The following GFPT1 variants were observed in gnomAD, a reference collection of about 807,000 sequenced individuals.
The protein encoded by GFPT1 is glutamine--fructose-6-phosphate aminotransferase [isomerizing] 1.
Under a neutral mutation model 92.0 loss-of-function variants are expected in GFPT1, and 40 were observed. That is an observed-to-expected ratio of 0.43 (90% CI 0.34 to 0.57). The LOEUF is 0.57. Among genes scored for constraint, GFPT1 ranks in the 20% least tolerant of loss-of-function variants. The pLI, the probability that GFPT1 is intolerant of heterozygous loss-of-function variation, is 0.02. For synonymous variants in GFPT1, 269 were observed against 280.6 expected, an observed-to-expected ratio of 0.96 and a Z score of 0.41; for missense variants, 448 against 869.1, an observed-to-expected ratio of 0.52 and a Z score of 6.09.
intron 6 of GFPT1, among the ~76,000 whole-genome samples, chr2:69,356,989 C>T (rs1671354202): frequency 6.6e-6 from 1 of 152,176 alleles, no homozygotes; most frequent in Non-Finnish European, 1.5e-5. Flanking sequence ...CCTCGGCCTC[C>T]CAAAGTGCTG....
chr2:69,368,492 C>A (rs1331465951), intron 3 of GFPT1, among the ~76,000 whole-genome samples: 1 of 151,900 alleles, frequency 6.6e-6, no homozygotes, highest in African/African-American at 2.4e-5. Flanking sequence ...CTTTGAGAGG[C>A]CGAGGCAGGC....
chr2:69,328,317 G>A lies in GFPT1; in HGVS notation c.1847C>T (p.Thr616Ile). 6.2e-7 allele frequency: 1 copy of A among 1,613,748 alleles called. No individual in the cohort carries two copies. Among genetic ancestry groups the A allele is most frequent in the Non-Finnish European group, 8.5e-7 (1 of 1,179,678 alleles). Residue 616 changes from threonine (T) to isoleucine (I), a missense_variant, in exon 18 of 20, where the codon ACT becomes ATT. By Grantham distance (89) the Thr-to-Ile change is moderately conservative. Around this residue, in one of 7 missense-constraint regions of GFPT1, gnomAD observed 5 missense variants for 46.8 expected, o/e 0.11. Transcript: ENST00000357308. Reference sequence around the variant, plus strand: ...AAGAGCATTCTGACACTTGGCATAAGTGTGATCTCTCATGATGATCATGAT... The same window carrying A: ...AAGAGCATTCTGACACTTGGCATAAATGTGATCTCTCATGATGATCATGAT... Reference protein sequence around the residue: ...PVIMIIMRDHTYAKCQNALQQ... With the variant: ...PVIMIIMRDHIYAKCQNALQQ...
At chr2:69,354,379 T>C in intron 8 of GFPT1, 67 bp from the exon 9 acceptor site, 10 of 1,401,882 alleles carry the variant, frequency 7.1e-6, no homozygotes, top group Non-Finnish European at 1.0e-5. Flanking sequence ...CTTTTTCATG[T>C]CTAGACAGAA....
At chr2:69,340,514 G>T (rs1418475725) in intron 13 of GFPT1, among the ~76,000 whole-genome samples, 1 of 152,082 alleles carries the variant, frequency 6.6e-6, no homozygotes, top group Non-Finnish European at 1.5e-5. Flanking sequence ...AAGCATGTGG[G>T]AGTTATTTAT....
chr2:69,369,596 A>G (rs1187313889), intron 3 of GFPT1, among the ~76,000 whole-genome samples: 3 of 152,230 alleles, frequency 2.0e-5, no homozygotes, highest in African/African-American at 7.2e-5. Context: ...CAATGTCAAA[A>G]TTGACTACAT....
At chr2:69,377,290 C>A (rs1444661715) in intron 1 of GFPT1, among the ~76,000 whole-genome samples, 1 of 150,000 alleles carries the variant, frequency 6.7e-6, no homozygotes, top group Non-Finnish European at 1.5e-5. Context: ...CAGCATTCAA[C>A]TTTAATAATA....
chr2:69,346,040 CAAAT>C (rs1446782117), intron 11 of GFPT1, 41 bp from the exon 12 acceptor site: 4 of 1,080,450 alleles, frequency 3.7e-6, no homozygotes, highest in East Asian at 2.4e-5. Flanking sequence ...AAAAACAAAT[CAAAT>C]AAAAGAATTT....
rs1558728601 is a variant in GFPT1, at chr2:69,329,755, A to G, written c.1526T>C (p.Met509Thr). ...QFVSLVMFAL[M>T]MCDDRISMQE... ...CATGGAGATCCGATCATCACACATC[A>G]TAAGGGCAAACATCACAAGGGATAC... The change falls in exon 16 of 20, where the codon ATG becomes ACG. Residue 509 changes from methionine to threonine, a missense_variant. This residue lies in a region of GFPT1 where 73 missense variants were observed against 103.5 expected (regional missense o/e 0.71). Transcript: ENST00000357308. The G allele has an allele frequency of 7.4e-6, 12 of 1,613,122 alleles. No individual in the cohort carries two copies. The highest frequency in any genetic ancestry group is 1.7e-4 in the Middle Eastern group (1 of 6,058).
intron 18 of GFPT1, among the ~76,000 whole-genome samples, 177 bp downstream of exon 18, chr2:69,328,094 C>G (rs1429670543): frequency 1.2e-5 from 1 of 82,790 alleles, no homozygotes; most frequent in Non-Finnish European, 2.4e-5. Context: ...GACTCCATCT[C>G]AAAAAAAAAA....
intron 15 of GFPT1, among the ~76,000 whole-genome samples, chr2:69,337,443 T>C (rs1408593656): frequency 6.6e-6 from 1 of 152,214 alleles, no homozygotes; most frequent in East Asian, 1.9e-4. Context: ...CATTATTTAT[T>C]AGAAACCATA....
At position 69,321,330 on chromosome 2, in the gene GFPT1, A is replaced by G. The variant is rs1296876833; in HGVS notation, c.*4859T>C. On this transcript the variant is annotated 3_prime_UTR_variant, in exon 20 of 20. Coordinates refer to ENST00000357308, the MANE Select transcript of GFPT1 (RefSeq NM_001244710.2). ...CAAACTGGGAAGTTCGGGTAGAGAC[A>G]GTGGCTTTTGGTAATATTTAGGCAG... 6.6e-6 allele frequency: 1 copy of G among 152,232 alleles called. No homozygotes were observed. The highest frequency in any genetic ancestry group is 1.5e-5 in the Non-Finnish European group (1 of 68,034). The allele number at this position is 152,232 out of a possible 1,614,324, so 9.4% of individuals were successfully genotyped here. A position where few individuals can be genotyped will look rare whatever the true frequency, so the allele number is the denominator to read the frequency against.
At chr2:69,362,435 C>A (rs1245022925) in intron 4 of GFPT1, among the ~76,000 whole-genome samples, 1 of 151,962 alleles carries the variant, frequency 6.6e-6, no homozygotes, top group Non-Finnish European at 1.5e-5. Flanking sequence ...AAAGATGTGA[C>A]TTCGGAATTA....
chr2:69,336,748 T>C lies in GFPT1; in HGVS notation c.1482+1150A>G, dbSNP rs898832704. Among the ~76,000 whole-genome samples, 84 of 151,602 alleles carry C rather than the reference T, an allele frequency of 5.5e-4. 1 individual carries two copies. The highest frequency in any genetic ancestry group is 1.5e-4 in the Non-Finnish European group (10 of 67,914). Reference sequence around the variant, plus strand: ...AGGCTGCAGGGAGCTATGATTCCTGTCACTGCACTCCAGCCCCAGCCTGGG... The same window carrying C: ...AGGCTGCAGGGAGCTATGATTCCTGCCACTGCACTCCAGCCCCAGCCTGGG... On this transcript the variant is annotated intron_variant, in intron 15 of 19. Transcript: ENST00000357308.
chr2:69,360,325 T>C (rs1294623403), intron 4 of GFPT1, among the ~76,000 whole-genome samples: 1 of 114,512 alleles, frequency 8.7e-6, no homozygotes, highest in Non-Finnish European at 1.7e-5. Context: ...TGAGATTCTG[T>C]CTCAAAAAAA....
chr2:69,352,380 C>G (rs908842224), intron 9 of GFPT1, among the ~76,000 whole-genome samples: 1 of 151,472 alleles, frequency 6.6e-6, no homozygotes, highest in Admixed American at 6.6e-5. Context: ...TTTGGGAGGC[C>G]GAGGTGGGCG....
Position 69,345,928 on chromosome 2 carries a change from T to G in GFPT1, c.1081A>C (p.Arg361=), listed in dbSNP as rs2104631088. The change falls in exon 12 of 20, where the codon AGA becomes CGA. Residue 361 remains arginine, a synonymous_variant. Coordinates refer to ENST00000357308, the MANE Select transcript of GFPT1 (RefSeq NM_001244710.2). ...CCAGTATAGTCATCAAAGTTGACTC[T>G]TCCTCTCATTGTGTTCACGACAGAC... The part of the protein sequence containing the change: ...PESVVNTMRG[R]VNFDDYTVNL... 6.3e-7 allele frequency: 1 copy of G among 1,588,674 alleles called. No homozygotes were observed. The highest frequency in any genetic ancestry group is 2.2e-5 in the East Asian group (1 of 44,774).
At chr2:69,336,339 C>CAAAAAAAAAAAAAAAAAA (rs61141681) in intron 15 of GFPT1, among the ~76,000 whole-genome samples, 3 of 98,044 alleles carry the variant, frequency 3.1e-5, no homozygotes, top group African/African-American at 7.9e-5. Context: ...AGTCTGTCTC[C>CAAAAAAAAAAAAAAAAAA]AAAAAAAAAA....
chr2:69,375,679 T>C (rs1043402003), intron 1 of GFPT1, among the ~76,000 whole-genome samples: 1 of 152,204 alleles, frequency 6.6e-6, no homozygotes, highest in Non-Finnish European at 1.5e-5. Flanking sequence ...TTTTAAGCTT[T>C]CCTGTAATGT....
rs922482808 is a variant in GFPT1, at chr2:69,326,120, G to C, written c.*69C>G. On this transcript the variant is annotated 3_prime_UTR_variant, in exon 20 of 20. Coordinates refer to ENST00000357308, the MANE Select transcript of GFPT1 (RefSeq NM_001244710.2). ...TTCAAGGGGTGATATTTTAAATCAA[G>C]GTTTTAAATACAAAAGGTGTCTTGT... is the stretch of plus-strand genomic sequence containing the variant. 1 of 994,156 alleles carries C rather than the reference G, an allele frequency of 1.0e-6. No individual in the cohort carries two copies. The highest frequency in any genetic ancestry group is 1.6e-5 in the African/African-American group (1 of 62,166). The allele number at this position is 994,156 out of a possible 1,614,324, so 61.6% of individuals were successfully genotyped here. A position where few individuals can be genotyped will look rare whatever the true frequency, so the allele number is the denominator to read the frequency against.
Sources: gnomAD v4.1 joint callset for allele counts (sites outside exome capture counted in the v4.1 genomes callset) on GRCh38, gnomAD v4.1.1 for gene constraint, gnomAD v4.1.1 regional missense constraint, MANE v1.5 for transcripts, NCBI Gene and HGNC (gene_info 2026-07-23, HGNC 2026-07-21) for gene names.